Variants in ANGPTL4 observed in about 807,000 individuals in gnomAD.
ANGPTL4 encodes angiopoietin like 4, also known as angiopoietin-related protein 4.
Under a neutral mutation model 39.2 loss-of-function variants are expected in ANGPTL4, and 39 were observed. That is an observed-to-expected ratio of 1.00 (90% confidence interval 0.77 to 1.30). ANGPTL4 has a LOEUF of 1.30. Ranked by LOEUF, ANGPTL4 falls within the 50% of genes most tolerant of loss-of-function variation. The pLI is 0.00. For synonymous variants in ANGPTL4, 233 were observed against 229.5 expected (o/e 1.02, Z -0.14); for missense variants, 545 against 549.8 (o/e 0.99, Z 0.09).
In ANGPTL4 at chr19:8,365,974, C is replaced by A. The variant is rs753353884; in HGVS notation, c.339C>A (p.Asn113Lys). 5.0e-6 allele frequency: 8 copies of A among 1,614,040 alleles called. No homozygotes were observed. ...CCCAGACACAACTCAAGGCTCAGAA[C>A]AGCAGGATCCAGCAACTCTTCCACA... ...HSLQTQLKAQ[N>K]SRIQQLFHKV... The change falls in exon 2 of 7, where the codon AAC becomes AAA. Residue 113 changes from asparagine to lysine, a missense_variant. Asn to Lys is a moderately conservative substitution (Grantham distance 94). Transcript: ENST00000301455.
At chr19:8,369,845 G>A (rs1030405615) in intron 4 of ANGPTL4, among the ~76,000 whole-genome samples, 2 of 151,934 alleles carry the variant, frequency 1.3e-5, no homozygotes, top group African/African-American at 4.8e-5. Flanking sequence ...GATCACTTGA[G>A]CCCAGAAGTT....
At chr19:8,367,821 T>C (rs1056844477) in intron 3 of ANGPTL4, among the ~76,000 whole-genome samples, 8 of 146,098 alleles carry the variant, frequency 5.5e-5, no homozygotes, top group Non-Finnish European at 1.2e-4. Flanking sequence ...CATTCATTCA[T>C]TTGTCAAGAC....
intron 6 of ANGPTL4, among the ~76,000 whole-genome samples, chr19:8,373,265 C>T (rs1215426968): frequency 2.6e-5 from 4 of 152,072 alleles, no homozygotes; most frequent in Admixed American, 2.0e-4. Flanking sequence ...ACTAGCCAGG[C>T]GTGGTGGCGG....
At chr19:8,372,392 CTTT>C (rs34408253) in intron 6 of ANGPTL4, among the ~76,000 whole-genome samples, 7 of 110,312 alleles carry the variant, frequency 6.3e-5, no homozygotes, top group Admixed American at 2.0e-4. Flanking sequence ...CCACAGGATT[CTTT>C]TTTTTTTTTT....
chr19:8,369,297 C>T lies in ANGPTL4; in HGVS notation c.626C>T (p.Ser209Phe), dbSNP rs1426629342. ...CTATTTGAAATCCAGCCTCAGGGGT[C>T]TCCGCCATTTTTGGTGAACTGCAAG... ...SGLFEIQPQG[S>F]PPFLVNCKMT... The change falls in exon 4 of 7, where the codon TCT becomes TTT. Residue 209 changes from serine to phenylalanine, a missense_variant. Physicochemically the swap from Ser to Phe is radical, Grantham distance 155. Transcript: ENST00000301455. 1 of 1,612,164 alleles carries T rather than the reference C, an allele frequency of 6.2e-7. No individual in the cohort carries two copies. Among genetic ancestry groups the T allele is most frequent in the Non-Finnish European group, 8.5e-7 (1 of 1,179,790 alleles).
Position 8,369,229 on chromosome 19 carries a change from G to T in ANGPTL4, c.558G>T (p.Arg186Ser). 6.2e-7 allele frequency: 1 copy of T among 1,610,912 alleles called. No individual in the cohort carries two copies. Among genetic ancestry groups the T allele is most frequent in the Admixed American group, 1.7e-5 (1 of 59,888 alleles). The change falls in exon 4 of 7, where the codon AGG becomes AGT. Residue 186 changes from arginine to serine, a missense_variant. By Grantham distance (110) the Arg-to-Ser change is moderately radical. Coordinates refer to ENST00000301455, the MANE Select transcript of ANGPTL4 (RefSeq NM_139314.3). ...TTTATCTCCCTTCAGGGCTGCCCAGGGATTGCCAGGAGCTGTTCCAGGTTG... is the reference window on the plus strand; with the variant it reads ...TTTATCTCCCTTCAGGGCTGCCCAGTGATTGCCAGGAGCTGTTCCAGGTTG... ...HNVSRLHRLPRDCQELFQVGE... is the reference protein window; with the variant it reads ...HNVSRLHRLPSDCQELFQVGE...
intron 1 of ANGPTL4, 148 bp downstream of exon 1, chr19:8,364,787 G>A: frequency 9.5e-7 from 1 of 1,052,962 alleles, no homozygotes; most frequent in Non-Finnish European, 1.4e-6. Context: ...CCCTTAGGAA[G>A]CCGAGGAGGG....
rs567701211 is a variant in ANGPTL4, at chr19:8,369,914, A to G, written c.661+582A>G. On this transcript the variant is annotated intron_variant, in intron 4 of 6. Transcript: ENST00000301455. The stretch of plus-strand genomic sequence containing the variant: ...TCTTTACAAAAAATTTTGTAAAAGT[A>G]AAAAAAAAGGCCAAGTGCAGTGGCT... Among the ~76,000 whole-genome samples the G allele has an allele frequency of 1.6e-3, 242 of 149,558 alleles. 2 individuals are homozygous for G. The highest frequency in any genetic ancestry group is 5.6e-3 in the African/African-American group (222 of 39,816).
In ANGPTL4 at chr19:8,364,256, C is replaced by A; in HGVS notation, c.-66C>A. ...ACCCCCGGTCCTCCGCGTCTCCAGT[C>A]CTCGCACCTGGAACCCCAACGTCCC... is the stretch of plus-strand genomic sequence containing the variant. On this transcript the variant is annotated 5_prime_UTR_variant, in exon 1 of 7. Coordinates refer to ENST00000301455, the MANE Select transcript of ANGPTL4 (RefSeq NM_139314.3). 1 of 1,479,926 alleles carries A rather than the reference C, an allele frequency of 6.8e-7. No homozygotes were observed. Among genetic ancestry groups the A allele is most frequent in the East Asian group, 2.5e-5 (1 of 40,248 alleles). 91.7% of individuals were successfully genotyped at this position (1,479,926 alleles called of 1,614,324 possible).
chr19:8,369,333 G>A lies in ANGPTL4; in HGVS notation c.661+1G>A. ...TTGGTGAACTGCAAGATGACCTCAG[G>A]TAGGGTGTGTTAGTCCACCAGGGGC... On this transcript the variant is annotated splice_donor_variant, in intron 4 of 6. Coordinates refer to ENST00000301455, the MANE Select transcript of ANGPTL4 (RefSeq NM_139314.3). LOFTEE classifies it high-confidence loss of function. 6.2e-7 allele frequency: 1 copy of A among 1,609,882 alleles called. No homozygotes were observed. Among genetic ancestry groups the A allele is most frequent in the Non-Finnish European group, 8.5e-7 (1 of 1,178,578 alleles).
At chr19:8,367,706 C>T (rs2145475285) in intron 3 of ANGPTL4, among the ~76,000 whole-genome samples, 1 of 152,340 alleles carries the variant, frequency 6.6e-6, no homozygotes, top group East Asian at 1.9e-4. Context: ...TTCCTCAACC[C>T]TGCCTCCTCT....
rs73925324 is a variant in ANGPTL4, at chr19:8,374,081, C to T, written c.*195C>T. On this transcript the variant is annotated 3_prime_UTR_variant, in exon 7 of 7. Transcript: ENST00000301455. ...GGCTGCATGCGTTGCCTCCTGAGAT[C>T]GAGGCTGCAGGATATGCTCAGACTC... is the stretch of plus-strand genomic sequence containing the variant. The T allele has an allele frequency of 1.5e-3, 930 of 615,588 alleles. 7 individuals are homozygous for T. Among genetic ancestry groups the T allele is most frequent in the African/African-American group, 0.014 (748 of 54,192 alleles). 38.1% of individuals were successfully genotyped at this position (615,588 alleles called of 1,614,324 possible).
At chr19:8,364,885 A>T (rs1411193809) in intron 1 of ANGPTL4, among the ~76,000 whole-genome samples, 1,626 of 150,434 alleles carry the variant, frequency 0.011, 28 homozygotes, top group African/African-American at 0.039. Context: ...ACACACACAC[A>T]AAATAAATAA....
At chr19:8,373,591 C>T in intron 6 of ANGPTL4, 114 bp from the exon 7 acceptor site, 1 of 1,469,742 alleles carries the variant, frequency 6.8e-7, no homozygotes, top group Non-Finnish European at 9.3e-7. Flanking sequence ...AAGTCAAGTC[C>T]AAAGCCCAGC....
Position 8,366,073 on chromosome 19 carries a change from A to G in ANGPTL4, c.429+9A>G, listed in dbSNP as rs1270465299. ...AGCATCTGCAAAGCCAGGTAACCCTAGGATCAAGGGAGAAAAGGTCCCTCT... is the reference window on the plus strand; with the variant it reads ...AGCATCTGCAAAGCCAGGTAACCCTGGGATCAAGGGAGAAAAGGTCCCTCT... On this transcript the variant is annotated intron_variant, in intron 2 of 6. Transcript: ENST00000301455. 1.2e-6 allele frequency: 2 copies of G among 1,613,486 alleles called. No homozygotes were observed. Among genetic ancestry groups the G allele is most frequent in the African/African-American group, 2.7e-5 (2 of 74,896 alleles).
At chr19:8,368,053 C>T (rs1971042398) in intron 3 of ANGPTL4, among the ~76,000 whole-genome samples, 1 of 134,718 alleles carries the variant, frequency 7.4e-6, no homozygotes, top group Non-Finnish European at 1.5e-5. Flanking sequence ...GAGTCTCACT[C>T]TGTCACCCAG....
rs1368769325 is a variant in ANGPTL4 at position 8,366,287 on chromosome 19, T to A, written c.515T>A (p.Val172Asp). ...AGGCTGCCCGAGATGGCCCAGCCAG[T>A]TGACCCGGCTCACAATGTCAGCCGC... The part of the protein sequence containing the change: ...RKRLPEMAQP[V>D]DPAHNVSRLH... Residue 172 changes from valine to aspartate, a missense_variant, in exon 3 of 7, where the codon GTT (valine) becomes GAT (aspartate). Transcript: ENST00000301455. 6.2e-7 allele frequency: 1 copy of A among 1,613,900 alleles called. No individual in the cohort carries two copies. Among genetic ancestry groups the A allele is most frequent in the South Asian group, 1.1e-5 (1 of 91,054 alleles).
chr19:8,371,284 G>A lies in ANGPTL4; in HGVS notation c.801G>A (p.Gly267=). 5.6e-6 allele frequency: 9 copies of A among 1,613,970 alleles called. No individual in the cohort carries two copies. The highest frequency in any genetic ancestry group is 7.6e-6 in the Non-Finnish European group (9 of 1,180,024). ...TGGAGAAGGTGCATAGCATCACGGG[G>A]GACCGCAACAGCCGCCTGGCCGTGC... ...LGLEKVHSIT[G]DRNSRLAVQL... is the part of the protein sequence containing the mutation. Residue 267 remains glycine, a synonymous_variant, in exon 6 of 7, where the codon GGG becomes GGA. Coordinates refer to ENST00000301455, the MANE Select transcript of ANGPTL4 (RefSeq NM_139314.3). This position sits in a 1 kb window ranked among gnomAD's most constrained non-coding sequence, Gnocchi z 5.1.
At chr19:8,373,250 C>G (rs1971159417) in intron 6 of ANGPTL4, among the ~76,000 whole-genome samples, 1 of 152,028 alleles carries the variant, frequency 6.6e-6, no homozygotes, top group South Asian at 2.1e-4. Flanking sequence ...ACTAAAAATA[C>G]AAAAACTAGC....
Sources: gnomAD v4.1 joint callset for allele counts (sites outside exome capture counted in the v4.1 genomes callset) on GRCh38, gnomAD v4.1.1 for gene constraint, Gnocchi (gnomAD v3.1) non-coding constraint, MANE v1.5 for transcripts, NCBI Gene and HGNC (gene_info 2026-07-23, HGNC 2026-07-21) for gene names.